ASTN2: variants seen among roughly 807,000 people sequenced by gnomAD.
ASTN2 encodes astrotactin-2.
A neutral mutation model predicts 139.8 loss-of-function variants in ASTN2; 54 were observed. The ratio of observed to expected loss-of-function variants is 0.39; its 90% CI spans 0.31 to 0.48. The LOEUF is 0.48. ASTN2 is among the 20% of genes least tolerant of loss of function. ASTN2 has a pLI of 0.95. For synonymous variants in ASTN2, 756 were observed against 719.5 expected (o/e 1.05, Z -0.81); for missense variants, 1,565 against 1,725.1 (o/e 0.91, Z 1.64).
intron 13 of ASTN2, among the ~76,000 whole-genome samples, chr9:116,775,347 C>T (rs1830053281): frequency 6.6e-6 from 1 of 151,528 alleles, no homozygotes; most frequent in South Asian, 2.1e-4. Flanking sequence ...GTATGAGATA[C>T]CTCTATAGAC....
intron 2 of ASTN2, among the ~76,000 whole-genome samples, chr9:117,269,329 G>T (rs894042371): frequency 5.3e-5 from 8 of 152,186 alleles, no homozygotes; most frequent in Non-Finnish European, 7.4e-5. Context: ...TTTGCTAGAA[G>T]AATGACACTT....
intron 4 of ASTN2, among the ~76,000 whole-genome samples, chr9:117,109,393 G>T (rs1829194481): frequency 6.6e-6 from 1 of 151,780 alleles, no homozygotes; most frequent in African/African-American, 2.4e-5. Flanking sequence ...TCCTTCAATA[G>T]AATTTTGGAA....
intron 5 of ASTN2, among the ~76,000 whole-genome samples, chr9:117,064,799 T>TAA (rs11321268): frequency 6.0e-5 from 9 of 149,444 alleles, no homozygotes; most frequent in Admixed American, 2.0e-4. Flanking sequence ...TCTATATACT[T>TAA]AAAAAAAAAA....
chr9:116,509,255 A>G (rs1006824705), intron 19 of ASTN2, among the ~76,000 whole-genome samples: 1 of 152,028 alleles, frequency 6.6e-6, no homozygotes, highest in Non-Finnish European at 1.5e-5. Flanking sequence ...GAGAACATGC[A>G]GTGTTTGGTT....
chr9:117,323,607 G>T (rs1828409847), intron 1 of ASTN2, among the ~76,000 whole-genome samples: 1 of 152,122 alleles, frequency 6.6e-6, no homozygotes, highest in African/African-American at 2.4e-5. Context: ...ATTCAAAGAG[G>T]CTGGAGGTGG....
At chr9:117,096,430 T>A (rs2132755124) in intron 4 of ASTN2, among the ~76,000 whole-genome samples, 1 of 152,280 alleles carries the variant, frequency 6.6e-6, no homozygotes, top group Non-Finnish European at 1.5e-5. Flanking sequence ...GGGATAAAAT[T>A]ATTCACCTTG....
chr9:117,141,361 G>C lies in ASTN2; in HGVS notation c.1133C>G (p.Ser378Trp). 2.9e-6 allele frequency: 4 copies of C among 1,367,500 alleles called. No homozygotes were observed. The highest frequency in any genetic ancestry group is 3.9e-6 in the Non-Finnish European group (4 of 1,021,798). The allele number at this position is 1,367,500 out of a possible 1,614,324, so 84.7% of individuals were successfully genotyped here. Residue 378 changes from serine (S) to tryptophan (W), a missense_variant, in exon 4 of 23, where the codon TCG becomes TGG. Ser to Trp is a radical substitution (Grantham distance 177). Around this residue, in one of 4 missense-constraint regions of ASTN2, gnomAD observed 596 missense variants for 576.8 expected, o/e 1.03. Transcript: ENST00000313400. The stretch of plus-strand genomic sequence containing the variant: ...GCTCCTCCGCTTCCTCTTCCCTGCC[G>C]ATGTGCTGCGCAGGGGTGGTTGCAG... ...GQLQPPLRST[S>W]AGKRKRRSKS...
intron 19 of ASTN2, among the ~76,000 whole-genome samples, chr9:116,508,318 T>C (rs1850201692): frequency 6.6e-6 from 1 of 152,210 alleles, no homozygotes; most frequent in African/African-American, 2.4e-5. Flanking sequence ...ACACATTCAG[T>C]GCATGGTAGT....
chr9:116,443,029 T>C (rs1847884522), intron 20 of ASTN2, among the ~76,000 whole-genome samples: 1 of 152,062 alleles, frequency 6.6e-6, no homozygotes. Context: ...AGGTCACAGA[T>C]AAAAAAAGTA....
At chr9:116,549,781 A>G (rs796724503) in intron 19 of ASTN2, among the ~76,000 whole-genome samples, 6 of 152,056 alleles carry the variant, frequency 3.9e-5, no homozygotes, top group African/African-American at 1.4e-4. Context: ...GCCCTTCCCC[A>G]CAGATACCCT....
At chr9:116,595,174 T>A (rs548075767) in intron 19 of ASTN2, among the ~76,000 whole-genome samples, 1 of 152,226 alleles carries the variant, frequency 6.6e-6, no homozygotes, top group African/African-American at 2.4e-5. Context: ...ACAATTTTGA[T>A]GATTATATAG....
chr9:116,677,778 G>C (rs1859600002), intron 16 of ASTN2, among the ~76,000 whole-genome samples: 1 of 152,072 alleles, frequency 6.6e-6, no homozygotes, highest in African/African-American at 2.4e-5. Flanking sequence ...CTTAATTTTG[G>C]GTATCTGTCT....
intron 10 of ASTN2, among the ~76,000 whole-genome samples, chr9:116,940,509 T>A (rs2132467840): frequency 6.6e-6 from 1 of 152,330 alleles, no homozygotes; most frequent in African/African-American, 2.4e-5. Flanking sequence ...AATGTGTGTG[T>A]TCATATCTTA....
Position 117,414,971 on chromosome 9 carries a change from C to CGGCGGTGGCGGCGGT in ASTN2, c.-48_-34dup, listed in dbSNP as rs1831291339. On this transcript the variant is annotated 5_prime_UTR_variant, in exon 1 of 23. Coordinates refer to ENST00000313400, the MANE Select transcript of ASTN2 (RefSeq NM_001365068.1). The surrounding 1 kb of genome is among the most constrained non-coding windows in gnomAD (Gnocchi z 4.2). The stretch of plus-strand genomic sequence containing the variant: ...GGGGCTGCGGTGCTGCGGGCGGCGG[C>CGGCGGTGGCGGCGGT]GGCGGTGGCGGCGGTGGCGAAGGAG... 4.8e-6 allele frequency: 1 copy of CGGCGGTGGCGGCGGT among 206,270 alleles called. No individual in the cohort carries two copies. Among genetic ancestry groups the CGGCGGTGGCGGCGGT allele is most frequent in the African/African-American group, 2.4e-5 (1 of 41,700 alleles). 12.8% of individuals were successfully genotyped at this position (206,270 alleles called of 1,614,324 possible).
intron 1 of ASTN2, among the ~76,000 whole-genome samples, chr9:117,404,894 G>A (rs1291006941): frequency 2.0e-5 from 3 of 152,062 alleles, no homozygotes; most frequent in African/African-American, 4.8e-5. Flanking sequence ...AAGGAGGGAA[G>A]GTGGAAAGAA....
rs937648638 is a variant in ASTN2, at chr9:116,925,832, G to T, written c.1889+49376C>A. Among the ~76,000 whole-genome samples, 3 of 149,646 alleles carry T rather than the reference G, an allele frequency of 2.0e-5. No homozygotes were observed. The South Asian group carries it at 6.4e-4, about 32-fold the overall frequency. ...ACCTTCCCTGAACTATCCCTGTCCTGCCCCCATATGCAAGGAGATACACAA... is the reference window on the plus strand; with the variant it reads ...ACCTTCCCTGAACTATCCCTGTCCTTCCCCCATATGCAAGGAGATACACAA... On this transcript the variant is annotated intron_variant, in intron 10 of 22. Coordinates refer to ENST00000313400, the MANE Select transcript of ASTN2 (RefSeq NM_001365068.1).
At chr9:116,676,768 G>A (rs929061055) in intron 16 of ASTN2, among the ~76,000 whole-genome samples, 2 of 152,188 alleles carry the variant, frequency 1.3e-5, no homozygotes, top group African/African-American at 4.8e-5. Flanking sequence ...GTGGTGGCCT[G>A]GGTTCAATTG....
Position 116,651,757 on chromosome 9 carries a change from G to C in ASTN2, c.2843C>G (p.Ser948Cys). 6.2e-7 allele frequency: 1 copy of C among 1,614,128 alleles called. No homozygotes were observed. Residue 948 changes from serine (S) to cysteine (C), a missense_variant, in exon 17 of 23, where the codon TCC (serine) becomes TGC (cysteine). By Grantham distance (112) the Ser-to-Cys change is moderately radical. Around this residue, in one of 4 missense-constraint regions of ASTN2, gnomAD observed 48 missense variants for 90.7 expected, o/e 0.53. Transcript: ENST00000313400. ...TGAGAGGTAGGTGATGAAGGGCATG[G>C]ACTTGAGCTCCTTCTTGCTGCCCAG... The part of the protein sequence containing the change: ...TELGSKKELK[S>C]MPFITYLSGL...
chr9:116,857,899 G>A (rs182811335), intron 11 of ASTN2, among the ~76,000 whole-genome samples: 1 of 152,310 alleles, frequency 6.6e-6, no homozygotes, highest in Non-Finnish European at 1.5e-5. Context: ...GACTTCTGAG[G>A]CTGGGGACTA....
Sources: allele counts gnomAD v4.1 joint callset (sites outside exome capture counted in the v4.1 genomes callset), GRCh38; gene constraint gnomAD v4.1.1; regional missense constraint gnomAD v4.1.1; non-coding constraint Gnocchi (gnomAD v3.1); transcripts MANE v1.5; gene names NCBI Gene and HGNC (gene_info 2026-07-23, HGNC 2026-07-21).